PXK: variants seen among roughly 807,000 people sequenced by gnomAD.
PXK encodes the protein PX domain-containing protein kinase-like protein.
PXK carries 35 observed loss-of-function variants against 84.7 expected under a neutral mutation model. The observed-to-expected ratio is 0.41, with a 90% CI of 0.32 to 0.55. The LOEUF (loss-of-function observed/expected upper bound fraction) is 0.55. Among genes scored for constraint, PXK ranks in the 20% least tolerant of loss-of-function variants. PXK has a pLI of 0.21. For synonymous variants in PXK, 253 were observed against 260.8 expected (o/e 0.97, Z 0.29); for missense variants, 634 against 699.7 (o/e 0.91, Z 1.06).
chr3:58,416,912 T>G lies in PXK; in HGVS notation c.1528+3949T>G, dbSNP rs2107699545. On this transcript the variant is annotated intron_variant, in intron 17 of 17. Transcript: ENST00000356151. The surrounding 1 kb of genome is among the most constrained non-coding windows in gnomAD (Gnocchi z 4.8). ...TGCTGGGATTACAGGCTTGAGCCAC[T>G]GTGCCCGGCCAGGATTGCAACTTTT... 6.6e-6 allele frequency among the ~76,000 whole-genome samples: 1 copy of G among 152,254 alleles called. No homozygotes were observed. The highest frequency in any genetic ancestry group is 1.5e-5 in the Non-Finnish European group (1 of 67,998).
In PXK at chr3:58,383,229, T is replaced by G. The variant is rs1408222513; in HGVS notation, c.388+529T>G. 6.6e-6 allele frequency among the ~76,000 whole-genome samples: 1 copy of G among 151,940 alleles called. No homozygotes were observed. The highest frequency in any genetic ancestry group is 1.5e-5 in the Non-Finnish European group (1 of 67,992). ...ATCGCTTGAACCCGGGAGGTGGAGG[T>G]TGCAGTGAGCCGAGATAGCACCACT... On this transcript the variant is annotated intron_variant, in intron 4 of 17. Transcript: ENST00000356151. This position sits in a 1 kb window ranked among gnomAD's most constrained non-coding sequence, Gnocchi z 4.0.
chr3:58,350,474 T>C (rs6775710), intron 1 of PXK, among the ~76,000 whole-genome samples: 109,602 of 152,120 alleles, frequency 0.72, 40,508 homozygotes, highest in East Asian at 1. Flanking sequence ...GTTCTGCCTG[T>C]CCAGCTGCAC....
chr3:58,393,908 C>G (rs2106994868), intron 7 of PXK, among the ~76,000 whole-genome samples: 1 of 152,220 alleles, frequency 6.6e-6, no homozygotes, highest in Non-Finnish European at 1.5e-5. Context: ...TTAGTATGTA[C>G]TCAAGGATTT....
chr3:58,371,387 C>G (rs544892665), intron 3 of PXK, among the ~76,000 whole-genome samples: 1 of 152,336 alleles, frequency 6.6e-6, no homozygotes, highest in South Asian at 2.1e-4. Context: ...CCTCCTCTCC[C>G]CAGTGCAGTG....
rs750530970 is a variant in PXK at position 58,395,660 on chromosome 3, A to C, written c.723A>C (p.Ala241=). ...KGTLKDLIYK[A]KPKDPFLKKY... The stretch of plus-strand genomic sequence containing the variant: ...GTGTTCTTTGTTCTTTTCCAAAGGC[A>C]AAACCAAAAGACCCATTTCTAAAGA... Residue 241 remains alanine, a splice_region_variant and synonymous_variant, in exon 9 of 18, where the codon GCA becomes GCC. Coordinates refer to ENST00000356151, the MANE Select transcript of PXK (RefSeq NM_017771.5). 1.9e-6 allele frequency: 3 copies of C among 1,611,194 alleles called. No homozygotes were observed. In the African/African-American group the frequency reaches 4.0e-5, roughly 22 times the overall value.
At chr3:58,347,979 A>C (rs1342111247) in intron 1 of PXK, among the ~76,000 whole-genome samples, 1 of 151,998 alleles carries the variant, frequency 6.6e-6, no homozygotes, top group Admixed American at 6.6e-5. Flanking sequence ...AGTGGTGTGA[A>C]GTTGGCTCAC....
rs932113089 is a variant in PXK, at chr3:58,399,823, G to A, written c.1181+446G>A. 2.0e-5 allele frequency among the ~76,000 whole-genome samples: 3 copies of A among 151,956 alleles called. No homozygotes were observed. The highest frequency in any genetic ancestry group is 2.9e-5 in the Non-Finnish European group (2 of 68,022). On this transcript the variant is annotated intron_variant, in intron 12 of 17. Coordinates refer to ENST00000356151, the MANE Select transcript of PXK (RefSeq NM_017771.5). This position sits in a 1 kb window ranked among gnomAD's most constrained non-coding sequence, Gnocchi z 4.3. ...TCCAGGAAGAGGGCAACGTGTTTCT[G>A]AGCACCCATGCTTCTGCTTGTGAAT...
At chr3:58,343,734 C>A (rs2097773148) in intron 1 of PXK, among the ~76,000 whole-genome samples, 1 of 152,156 alleles carries the variant, frequency 6.6e-6, no homozygotes, top group African/African-American at 2.4e-5. Context: ...CAAACTAGCC[C>A]AGTCCCTGGC....
At chr3:58,341,144 TCTTTGG>T (rs2097722772) in intron 1 of PXK, among the ~76,000 whole-genome samples, 1 of 152,200 alleles carries the variant, frequency 6.6e-6, no homozygotes, top group African/African-American at 2.4e-5. Context: ...AAGTGCTTTA[TCTTTGG>T]TAAATACTTG....
At chr3:58,395,173 C>G in intron 8 of PXK, 71 bp downstream of exon 8, 3 of 1,120,522 alleles carry the variant, frequency 2.7e-6, no homozygotes, top group South Asian at 2.9e-5. Context: ...TACTTAGTCT[C>G]TAAGACTCCA....
chr3:58,422,774 C>G (rs1308472730), intron 17 of PXK: 1 of 985,294 alleles, frequency 1.0e-6, no homozygotes, highest in Non-Finnish European at 1.2e-6. Flanking sequence ...TCCAGCCCCC[C>G]AAAATCCTTG....
intron 1 of PXK, among the ~76,000 whole-genome samples, chr3:58,349,665 T>A (rs2107984889): frequency 6.6e-6 from 1 of 152,292 alleles, no homozygotes. Context: ...CACATTTTCA[T>A]AAATATCTGT....
chr3:58,337,472 C>G (rs2097643508), intron 1 of PXK, among the ~76,000 whole-genome samples: 1 of 151,884 alleles, frequency 6.6e-6, no homozygotes, highest in African/African-American at 2.4e-5. Context: ...TGTTGGATTC[C>G]AAGGTCTTTT....
rs994807290 is a variant in PXK at position 58,400,317 on chromosome 3, C to T, written c.1181+940C>T. On this transcript the variant is annotated intron_variant, in intron 12 of 17. Coordinates refer to ENST00000356151, the MANE Select transcript of PXK (RefSeq NM_017771.5). The surrounding 1 kb of genome is among the most constrained non-coding windows in gnomAD (Gnocchi z 4.0). ...GAATATCACACACCATGCAGTGTATCTGGTGCTTTGTCTGCACCAGCGTAT... is the reference window on the plus strand; with the variant it reads ...GAATATCACACACCATGCAGTGTATTTGGTGCTTTGTCTGCACCAGCGTAT... 6.6e-5 allele frequency among the ~76,000 whole-genome samples: 10 copies of T among 152,138 alleles called. No individual in the cohort carries two copies. The highest frequency in any genetic ancestry group is 9.7e-5 in the African/African-American group (4 of 41,434).
chr3:58,345,057 T>C (rs1303295174), intron 1 of PXK, among the ~76,000 whole-genome samples: 3 of 152,212 alleles, frequency 2.0e-5, no homozygotes, highest in African/African-American at 7.2e-5. Context: ...CCAGGCACTG[T>C]ACTGCCTATT....
chr3:58,387,882 A>G (rs2098573658), intron 4 of PXK, among the ~76,000 whole-genome samples: 1 of 151,958 alleles, frequency 6.6e-6, no homozygotes, highest in Admixed American at 6.6e-5. Context: ...ATGCTGAGGG[A>G]GTGGGGGCAG....
Position 58,409,723 on chromosome 3 carries a change from T to C in PXK, c.1395+105T>C. On this transcript the variant is annotated intron_variant, in intron 15 of 17. Coordinates refer to ENST00000356151, the MANE Select transcript of PXK (RefSeq NM_017771.5). The surrounding 1 kb of genome is among the most constrained non-coding windows in gnomAD (Gnocchi z 4.2). ...TTAATGACAGATGCTGTGCTATATC[T>C]CCTTGAAAGCTAAGACTATTTCCAG... 1.1e-6 allele frequency: 1 copy of C among 901,196 alleles called. No homozygotes were observed. The highest frequency in any genetic ancestry group is 1.8e-5 in the South Asian group (1 of 57,026). The allele number at this position is 901,196 out of a possible 1,614,324, so 55.8% of individuals were successfully genotyped here.
intron 4 of PXK, among the ~76,000 whole-genome samples, chr3:58,387,241 CAT>C (rs753362845): frequency 6.6e-6 from 1 of 152,218 alleles, no homozygotes; most frequent in East Asian, 1.9e-4. Context: ...AGTTTTTCCA[CAT>C]GTGTCAGTCA....
Position 58,425,151 on chromosome 3 carries a change from T to C in PXK, c.*191T>C, listed in dbSNP as rs935025891. On this transcript the variant is annotated 3_prime_UTR_variant, in exon 18 of 18. Coordinates refer to ENST00000356151, the MANE Select transcript of PXK (RefSeq NM_017771.5). ...TAAGCAGAATAAAGTTAGGCTGGCA[T>C]TGCTCCCTTAAGATCTTGCTCCTTT... 3.5e-6 allele frequency: 3 copies of C among 862,302 alleles called. No individual in the cohort carries two copies. The African/African-American group carries it at 5.1e-5, about 15-fold the overall frequency. The allele number at this position is 862,302 out of a possible 1,614,324, so 53.4% of individuals were successfully genotyped here. A position where few individuals can be genotyped will look rare whatever the true frequency, so the allele number is the denominator to read the frequency against.
Sources: gnomAD v4.1 joint callset for allele counts (sites outside exome capture counted in the v4.1 genomes callset) on GRCh38, gnomAD v4.1.1 for gene constraint, Gnocchi (gnomAD v3.1) non-coding constraint, MANE v1.5 for transcripts, NCBI Gene and HGNC (gene_info 2026-07-23, HGNC 2026-07-21) for gene names.